NDUFAF2: variants seen among roughly 807,000 people sequenced by gnomAD.
NDUFAF2 encodes NADH:ubiquinone oxidoreductase complex assembly factor 2, also known as NADH dehydrogenase [ubiquinone] 1 alpha subcomplex assembly factor 2.
NDUFAF2 carries 13 observed loss-of-function variants against 22.8 expected under a neutral mutation model. That is an observed-to-expected ratio of 0.57 (90% CI 0.37 to 0.91). The LOEUF (loss-of-function observed/expected upper bound fraction) is 0.91, where lower values mean the gene tolerates loss of function less well. Ranked by LOEUF, NDUFAF2 falls within the 40% of genes least tolerant of loss-of-function variation. The pLI, the probability that NDUFAF2 is intolerant of heterozygous loss-of-function variation, is 0.01. For synonymous variants in NDUFAF2, 53 were observed against 64.2 expected (o/e 0.83, Z 0.84); for missense variants, 162 against 195.2 (o/e 0.83, Z 1.01).
intron 3 of NDUFAF2, among the ~76,000 whole-genome samples, chr5:61,128,269 A>G (rs1347892518): frequency 3.3e-5 from 5 of 150,926 alleles, no homozygotes; most frequent in Non-Finnish European, 7.4e-5. Context: ...GCTACCAATG[A>G]CTTTCTTCAC....
chr5:61,008,757 A>T (rs1005330598), intron 1 of NDUFAF2, among the ~76,000 whole-genome samples: 3 of 152,074 alleles, frequency 2.0e-5, no homozygotes, highest in African/African-American at 7.2e-5. Flanking sequence ...GATCCTTCTC[A>T]TTCCAAATCT....
rs1033453546 is a variant in NDUFAF2, at chr5:61,104,546, G to A, written c.258+5514G>A. 3.3e-4 allele frequency among the ~76,000 whole-genome samples: 50 copies of A among 151,852 alleles called. 1 individual carries two copies. Among genetic ancestry groups the A allele is most frequent in the South Asian group, 4.1e-4 (2 of 4,826 alleles). ...CTGCTGTTGGAGATGATACTGCTGC[G>A]GTCTAAAAAAAGGTTGGGATGGCTG... On this transcript the variant is annotated intron_variant, in intron 3 of 3. Transcript: ENST00000296597.
At chr5:61,129,149 C>T (rs144027592) in intron 3 of NDUFAF2, among the ~76,000 whole-genome samples, 5,815 of 152,034 alleles carry the variant, frequency 0.038, 181 homozygotes, top group Non-Finnish European at 0.061. Context: ...AAACAACAGG[C>T]GCTGGAGAGG....
At chr5:61,136,274 G>A (rs1223441229) in intron 3 of NDUFAF2, among the ~76,000 whole-genome samples, 1 of 151,462 alleles carries the variant, frequency 6.6e-6, no homozygotes, top group Non-Finnish European at 1.5e-5. Context: ...GGAAATTTTG[G>A]GACTCTTGAA....
intron 3 of NDUFAF2, among the ~76,000 whole-genome samples, chr5:61,139,801 T>A (rs972457806): frequency 8.5e-5 from 13 of 152,192 alleles, no homozygotes; most frequent in African/African-American, 3.1e-4. Context: ...CCTGATTAAT[T>A]TTTTTTGAAT....
chr5:61,005,647 G>A (rs1751356514), intron 1 of NDUFAF2, among the ~76,000 whole-genome samples: 1 of 152,128 alleles, frequency 6.6e-6, no homozygotes, highest in South Asian at 2.1e-4. Flanking sequence ...GTGTGAGATG[G>A]TATCTCATTG....
At chr5:60,981,801 A>G (rs544803268) in intron 1 of NDUFAF2, among the ~76,000 whole-genome samples, 33 of 152,324 alleles carry the variant, frequency 2.2e-4, no homozygotes, top group African/African-American at 7.7e-4. Flanking sequence ...GTAAATCTGT[A>G]CATCCACAGT....
chr5:60,952,649 A>T (rs539812893), intron 1 of NDUFAF2, among the ~76,000 whole-genome samples: 34 of 152,212 alleles, frequency 2.2e-4, no homozygotes, highest in Middle Eastern at 3.4e-3. Flanking sequence ...AGAAAAATGT[A>T]TTATCTATTT....
At chr5:61,013,273 A>G (rs1206257213) in intron 1 of NDUFAF2, among the ~76,000 whole-genome samples, 1 of 149,684 alleles carries the variant, frequency 6.7e-6, no homozygotes, top group Non-Finnish European at 1.5e-5. Flanking sequence ...TGAAACCCTC[A>G]AGCTTAATTA....
chr5:61,079,006 AC>A (rs1390337229), intron 2 of NDUFAF2, among the ~76,000 whole-genome samples: 1 of 152,162 alleles, frequency 6.6e-6, no homozygotes, highest in Non-Finnish European at 1.5e-5. Context: ...TTTTATGAGA[AC>A]CCTAAAATAC....
intron 1 of NDUFAF2, among the ~76,000 whole-genome samples, chr5:61,061,515 TA>T (rs1752165385): frequency 6.6e-6 from 1 of 152,210 alleles, no homozygotes; most frequent in Non-Finnish European, 1.5e-5. Flanking sequence ...TATGTATTGA[TA>T]TTTTTTATAA....
At chr5:61,009,298 G>A (rs10064129) in intron 1 of NDUFAF2, among the ~76,000 whole-genome samples, 7,092 of 152,106 alleles carry the variant, frequency 0.047, 562 homozygotes, top group African/African-American at 0.16. Context: ...ACCTATTGGA[G>A]CATTTAATTT....
intron 2 of NDUFAF2, among the ~76,000 whole-genome samples, chr5:61,076,642 C>G (rs1251983020): frequency 6.6e-6 from 1 of 152,196 alleles, no homozygotes; most frequent in African/African-American, 2.4e-5. Flanking sequence ...TTTAAAGACT[C>G]TGGCTTTTAC....
intron 3 of NDUFAF2, among the ~76,000 whole-genome samples, chr5:61,106,577 A>C (rs1046590501): frequency 2.6e-5 from 4 of 151,308 alleles, no homozygotes; most frequent in Non-Finnish European, 5.9e-5. Context: ...TAGTTATTTG[A>C]AATATACAAT....
At chr5:60,962,145 C>A (rs1220973994) in intron 1 of NDUFAF2, among the ~76,000 whole-genome samples, 1 of 150,828 alleles carries the variant, frequency 6.6e-6, no homozygotes, top group Non-Finnish European at 1.5e-5. Flanking sequence ...GGCAACATAT[C>A]TTTCACCTCA....
intron 2 of NDUFAF2, among the ~76,000 whole-genome samples, chr5:61,082,130 G>GA (rs749699301): frequency 1.3e-5 from 2 of 151,948 alleles, no homozygotes; most frequent in Non-Finnish European, 2.9e-5. Context: ...ATTCACAGGA[G>GA]AAAAAAAATG....
At chr5:61,014,248 G>A (rs376579840) in intron 1 of NDUFAF2, among the ~76,000 whole-genome samples, 100 of 152,336 alleles carry the variant, frequency 6.6e-4, no homozygotes, top group African/African-American at 2.3e-3. Flanking sequence ...TGAGACCTCC[G>A]TGAAAACCCC....
intron 3 of NDUFAF2, among the ~76,000 whole-genome samples, chr5:61,143,960 T>TTGTGTGTGTGTG (rs58281805): frequency 1.0e-5 from 1 of 98,142 alleles, no homozygotes; most frequent in African/African-American, 3.4e-5. Context: ...TGGCATATTT[T>TTGTGTGTGTGTG]TGTGTGTGTG....
intron 2 of NDUFAF2, among the ~76,000 whole-genome samples, chr5:61,075,763 A>G (rs755464497): frequency 2.6e-4 from 39 of 152,360 alleles, no homozygotes; most frequent in Middle Eastern, 3.4e-3. Context: ...CATCAATTAA[A>G]TGTGAAAAAT....
Sources: gnomAD v4.1 joint callset for allele counts (sites outside exome capture counted in the v4.1 genomes callset) on GRCh38, gnomAD v4.1.1 for gene constraint, MANE v1.5 for transcripts, NCBI Gene and HGNC (gene_info 2026-07-23, HGNC 2026-07-21) for gene names.